Variants in SIRT4 observed in about 807,000 individuals in gnomAD.
The protein encoded by SIRT4 is NAD-dependent protein lipoamidase sirtuin-4, mitochondrial.
A neutral mutation model predicts 26.1 loss-of-function variants in SIRT4; 23 were observed. The observed-to-expected ratio is 0.88, with a 90% confidence interval of 0.63 to 1.25. The LOEUF (loss-of-function observed/expected upper bound fraction) is 1.25. SIRT4 is among the 50% of genes most tolerant of loss of function. The pLI is 0.00. For missense variants in SIRT4, 361 were observed against 405.4 expected, an observed-to-expected ratio of 0.89 and a Z score of 0.94; for synonymous variants, 155 against 158.4, an observed-to-expected ratio of 0.98 and a Z score of 0.16.
At position 120,311,181 on chromosome 12, in the gene SIRT4, C is replaced by A. The variant is rs558965309; in HGVS notation, c.498-1275C>A. ...CGAGACCAGCCTCAACATGGAGAAACCCCGTCTCTACTAAAAATACAAAAT... is the reference window on the plus strand; with the variant it reads ...CGAGACCAGCCTCAACATGGAGAAAACCCGTCTCTACTAAAAATACAAAAT... On this transcript the variant is annotated intron_variant, in intron 2 of 3. Coordinates refer to ENST00000202967, the MANE Select transcript of SIRT4 (RefSeq NM_012240.3). Among the ~76,000 whole-genome samples the A allele has an allele frequency of 7.0e-3, 1,032 of 147,768 alleles. 11 individuals are homozygous for A. Among genetic ancestry groups the A allele is most frequent in the African/African-American group, 0.024 (981 of 40,166 alleles).
chr12:120,292,512 G>A, the SIRT4 span, among the ~76,000 whole-genome samples: 2 of 152,216 alleles, frequency 1.3e-5, no homozygotes, highest in African/African-American at 2.4e-5. Flanking sequence ...GCTGAGGCAC[G>A]AGAATCGCTT....
intron 2 of SIRT4, among the ~76,000 whole-genome samples, chr12:120,308,973 A>C (rs1016492477): frequency 2.0e-5 from 3 of 152,098 alleles, no homozygotes; most frequent in African/African-American, 7.2e-5. Context: ...AGTCAAGACC[A>C]GCCTGACCAA....
chr12:120,310,897 G>A (rs1379623247), intron 2 of SIRT4, among the ~76,000 whole-genome samples: 1 of 150,846 alleles, frequency 6.6e-6, no homozygotes, highest in Admixed American at 6.6e-5. Flanking sequence ...CACCACGGCC[G>A]GCTAATTTTT....
chr12:120,295,013 T>C, the SIRT4 span, among the ~76,000 whole-genome samples: 1 of 151,370 alleles, frequency 6.6e-6, no homozygotes, highest in Non-Finnish European at 1.5e-5. Flanking sequence ...GTATTTTTAG[T>C]AGAGACAGGG....
At chr12:120,291,911 T>A in the SIRT4 span, 1 of 151,230 alleles carries the variant, frequency 6.6e-6, no homozygotes, top group African/African-American at 2.4e-5. Flanking sequence ...GCTGGAAAGG[T>A]TCTGTTCGCG....
rs200727815 is a variant in SIRT4, at chr12:120,313,210, C to T, written c.*174C>T. On this transcript the variant is annotated 3_prime_UTR_variant, in exon 4 of 4. Transcript: ENST00000202967. ...TGTGTGGATATTCTTAATTAAAACT[C>T]ATTTTTTTTAAATAAAAAATTGTTC... is the stretch of plus-strand genomic sequence containing the variant. The T allele has an allele frequency of 1.5e-6, 1 of 677,640 alleles. No individual in the cohort carries two copies. Among genetic ancestry groups the T allele is most frequent in the Admixed American group, 3.1e-5 (1 of 32,364 alleles). The allele number at this position is 677,640 out of a possible 1,614,324, so 42.0% of individuals were successfully genotyped here.
the SIRT4 span, among the ~76,000 whole-genome samples, chr12:120,292,915 C>T: frequency 6.6e-6 from 1 of 152,232 alleles, no homozygotes; most frequent in Non-Finnish European, 1.5e-5. Context: ...GCAACTCCAA[C>T]TTTCATAAAC....
upstream of SIRT4, among the ~76,000 whole-genome samples, chr12:120,301,891 T>C (rs990501732): frequency 2.8e-4 from 43 of 152,024 alleles, no homozygotes; most frequent in African/African-American, 9.9e-4. Context: ...CTGGCCAACA[T>C]GGCGAAACCC....
chr12:120,306,125 G>A (rs1301011803), intron 2 of SIRT4, among the ~76,000 whole-genome samples: 4 of 151,880 alleles, frequency 2.6e-5, no homozygotes, highest in African/African-American at 9.7e-5. Flanking sequence ...GAGGCCAGGA[G>A]ATCAAGACCT....
rs1872861981 is a variant in SIRT4 at position 120,309,246 on chromosome 12, T to G, written c.498-3210T>G. The stretch of plus-strand genomic sequence containing the variant: ...TCTTTTAATAATGAAAATTTCAAAC[T>G]TCACAAAAGTAAAGAGAATTGTATA... On this transcript the variant is annotated intron_variant, in intron 2 of 3. Transcript: ENST00000202967. Among the ~76,000 whole-genome samples the G allele has an allele frequency of 1.3e-5, 2 of 151,988 alleles. 1 individual carries two copies. Among genetic ancestry groups the G allele is most frequent in the Admixed American group, 1.3e-4 (2 of 15,234 alleles).
chr12:120,311,591 C>A (rs964119199), intron 2 of SIRT4, among the ~76,000 whole-genome samples: 3 of 150,506 alleles, frequency 2.0e-5, no homozygotes, highest in Non-Finnish European at 4.4e-5. Flanking sequence ...AAAAATTAGT[C>A]GGGTGTGGTA....
chr12:120,309,699 C>G (rs1872883461), intron 2 of SIRT4, among the ~76,000 whole-genome samples: 1 of 150,532 alleles, frequency 6.6e-6, no homozygotes, highest in Non-Finnish European at 1.5e-5. Context: ...AGGCATGAGC[C>G]ACTGTGCCCG....
chr12:120,294,001 G>A, the SIRT4 span, among the ~76,000 whole-genome samples: 1 of 28,016 alleles, frequency 3.6e-5, no homozygotes, highest in Non-Finnish European at 6.4e-5. Flanking sequence ...TGTATGAGAT[G>A]TTATCTTTTT....
At chr12:120,298,775 C>T (rs1872429504), upstream of SIRT4, among the ~76,000 whole-genome samples, 1 of 149,734 alleles carries the variant, frequency 6.7e-6, no homozygotes, top group South Asian at 2.1e-4. Context: ...GGCATGGTGG[C>T]GGGCACCCGT....
At chr12:120,312,353 AAGC>A in intron 2 of SIRT4, 100 bp from the exon 3 acceptor site, 1 of 1,076,352 alleles carries the variant, frequency 9.3e-7, no homozygotes, top group Non-Finnish European at 1.4e-6. Context: ...TAGGGAAAGA[AAGC>A]AGCGATGGAA....
chr12:120,309,768 T>C (rs1022638844), intron 2 of SIRT4, among the ~76,000 whole-genome samples: 1 of 140,044 alleles, frequency 7.1e-6, no homozygotes, highest in Non-Finnish European at 1.5e-5. Context: ...TAGGCTGGAG[T>C]ACAATGGCAT....
chr12:120,304,835 ATTTTTTTTT>A (rs1169655844), intron 2 of SIRT4, among the ~76,000 whole-genome samples: 58 of 24,834 alleles, frequency 2.3e-3, no homozygotes, highest in African/African-American at 7.5e-3. Context: ...ATATATATAT[ATTTTTTTTT>A]TTTTTTTTTT....
chr12:120,292,906 C>T, the SIRT4 span, among the ~76,000 whole-genome samples: 2 of 152,326 alleles, frequency 1.3e-5, no homozygotes, highest in Admixed American at 6.5e-5. Flanking sequence ...ACAAAATCAG[C>T]AACTCCAACT....
At chr12:120,306,504 C>T (rs1872752236) in intron 2 of SIRT4, among the ~76,000 whole-genome samples, 4 of 148,336 alleles carry the variant, frequency 2.7e-5, no homozygotes. Context: ...AACAAAAAAA[C>T]AGAGAAAGGA....
Sources: gnomAD v4.1 joint callset for allele counts (sites outside exome capture counted in the v4.1 genomes callset) on GRCh38, gnomAD v4.1.1 for gene constraint, MANE v1.5 for transcripts, NCBI Gene and HGNC (gene_info 2026-07-23, HGNC 2026-07-21) for gene names.